The following LAMA2 variants were observed in gnomAD, a reference collection of about 807,000 sequenced individuals.
LAMA2 encodes laminin subunit alpha-2.
In LAMA2, 269 loss-of-function variants were observed where a neutral mutation model predicts 364.8. The ratio of observed to expected loss-of-function variants is 0.74; its 90% confidence interval spans 0.67 to 0.82. LAMA2 has a LOEUF of 0.82. Ranked by LOEUF, LAMA2 falls within the 40% of genes least tolerant of loss-of-function variation. The probability of loss-of-function intolerance (pLI) is 0.00; values close to 1 mark genes in which losing one functional copy is unlikely to be tolerated. For synonymous variants in LAMA2, 1,379 were observed against 1,370.6 expected (o/e 1.01, Z -0.14); for missense variants, 3,807 against 3,873.2 (o/e 0.98, Z 0.45).
intron 1 of LAMA2, among the ~76,000 whole-genome samples, chr6:128,985,301 C>A (rs945456856): frequency 3.3e-5 from 5 of 152,238 alleles, no homozygotes; most frequent in African/African-American, 1.2e-4. Flanking sequence ...CACTTCAAAC[C>A]ACCATGCAGT....
At chr6:128,899,073 A>T (rs1582627419) in intron 1 of LAMA2, among the ~76,000 whole-genome samples, 1 of 152,318 alleles carries the variant, frequency 6.6e-6, no homozygotes, top group East Asian at 1.9e-4. Context: ...TTTATCTTGA[A>T]TACCCTTGTT....
chr6:129,510,685 A>C (rs1295731131), intron 62 of LAMA2, among the ~76,000 whole-genome samples: 1 of 152,096 alleles, frequency 6.6e-6, no homozygotes, highest in Non-Finnish European at 1.5e-5. Flanking sequence ...CTTAGAAAAA[A>C]AGATTAATTT....
At position 129,362,411 on chromosome 6, in the gene LAMA2, T is replaced by TCTTCCCC. The variant is rs1275998577; in HGVS notation, c.4718-3807_4718-3801dup. Among the ~76,000 whole-genome samples, 10 of 152,216 alleles carry TCTTCCCC rather than the reference T, an allele frequency of 6.6e-5. No homozygotes were observed. The East Asian group carries it at 1.9e-3, about 30-fold the overall frequency. On this transcript the variant is annotated intron_variant, in intron 32 of 64. Coordinates refer to ENST00000421865, the MANE Select transcript of LAMA2 (RefSeq NM_000426.4). ...TTCCGGCCAACCCCAACCTCTTCCC[T>TCTTCCCC]CTTCCCCTCTTCCCCTCTCTCTTCT... is the stretch of plus-strand genomic sequence containing the variant.
At chr6:129,288,358 G>T (rs1789431682) in intron 19 of LAMA2, among the ~76,000 whole-genome samples, 1 of 151,934 alleles carries the variant, frequency 6.6e-6, no homozygotes, top group African/African-American at 2.4e-5. Context: ...CAGGAAAGAA[G>T]AATTTGCATA....
intron 1 of LAMA2, among the ~76,000 whole-genome samples, chr6:128,900,768 G>C (rs563749236): frequency 6.6e-6 from 1 of 152,128 alleles, no homozygotes; most frequent in Non-Finnish European, 1.5e-5. Flanking sequence ...GGATAAGATT[G>C]CCTCTTTACT....
intron 1 of LAMA2, among the ~76,000 whole-genome samples, chr6:128,897,633 A>C (rs1381406869): frequency 6.6e-6 from 1 of 152,250 alleles, no homozygotes; most frequent in East Asian, 1.9e-4. Flanking sequence ...TTGGAACTGA[A>C]GTGCTACAAA....
intron 1 of LAMA2, among the ~76,000 whole-genome samples, chr6:128,967,253 A>G (rs1781901638): frequency 6.6e-6 from 1 of 152,236 alleles, no homozygotes; most frequent in South Asian, 2.1e-4. Flanking sequence ...TCATTCCCAG[A>G]GACATACAAA....
chr6:129,149,700 C>G (rs1465385800), intron 7 of LAMA2, among the ~76,000 whole-genome samples: 1 of 152,112 alleles, frequency 6.6e-6, no homozygotes, highest in Non-Finnish European at 1.5e-5. Context: ...CCTTCCATAT[C>G]CATGGTTTCT....
chr6:129,205,398 AAAAAAG>A (rs1161383244), intron 12 of LAMA2, among the ~76,000 whole-genome samples: 4 of 150,872 alleles, frequency 2.7e-5, no homozygotes, highest in African/African-American at 7.4e-5. Flanking sequence ...CATCTCAAAA[AAAAAAG>A]AAAAAAGAAA....
Position 129,175,499 on chromosome 6 carries a change from T to G in LAMA2, c.1307-2207T>G, listed in dbSNP as rs147777593. Among the ~76,000 whole-genome samples, 11 of 152,364 alleles carry G rather than the reference T, an allele frequency of 7.2e-5. No homozygotes were observed. The East Asian group carries it at 2.1e-3, about 29-fold the overall frequency. ...TGCATTTGGGTATCAAGTTAGAATT[T>G]GCTTCATAAATTGAATTACATAGCT... On this transcript the variant is annotated intron_variant, in intron 9 of 64. Transcript: ENST00000421865.
intron 1 of LAMA2, among the ~76,000 whole-genome samples, chr6:128,906,132 T>C (rs1351997601): frequency 4.3e-4 from 62 of 144,892 alleles, no homozygotes; most frequent in African/African-American, 1.5e-3. Flanking sequence ...TGATTTATAG[T>C]CCTTTGGGTA....
chr6:129,250,330 T>A, intron 13 of LAMA2, 117 bp downstream of exon 13: 4 of 710,596 alleles, frequency 5.6e-6, no homozygotes, highest in Non-Finnish European at 1.0e-5. Flanking sequence ...TAAAAAAAAA[T>A]ATACCTTAGG....
chr6:129,291,146 C>G (rs1326847006), intron 19 of LAMA2, among the ~76,000 whole-genome samples: 1 of 152,068 alleles, frequency 6.6e-6, no homozygotes, highest in Admixed American at 6.6e-5. Context: ...GTTCTAAAGT[C>G]AGTATGCATT....
At chr6:129,154,204 A>G (rs1418362253) in intron 7 of LAMA2, among the ~76,000 whole-genome samples, 2 of 152,118 alleles carry the variant, frequency 1.3e-5, no homozygotes, top group Non-Finnish European at 2.9e-5. Context: ...ATGGGTCAAG[A>G]GTTCAAGACC....
At chr6:129,262,067 T>C (rs1021091583) in intron 15 of LAMA2, among the ~76,000 whole-genome samples, 5 of 152,146 alleles carry the variant, frequency 3.3e-5, no homozygotes. Flanking sequence ...CATACTTTGT[T>C]CTCATCCTTT....
At chr6:128,915,756 C>T (rs1222244399) in intron 1 of LAMA2, among the ~76,000 whole-genome samples, 1 of 152,052 alleles carries the variant, frequency 6.6e-6, no homozygotes, top group East Asian at 1.9e-4. Flanking sequence ...AGTGGATAGT[C>T]TGCCAGTTAT....
intron 8 of LAMA2, chr6:129,157,983 T>A: frequency 6.2e-7 from 1 of 1,613,906 alleles, no homozygotes; most frequent in Admixed American, 1.7e-5. Context: ...AAGGCCCAGG[T>A]CAGCAATGCA....
intron 27 of LAMA2, among the ~76,000 whole-genome samples, chr6:129,319,676 G>A (rs1416597007): frequency 6.6e-6 from 1 of 152,186 alleles, no homozygotes; most frequent in African/African-American, 2.4e-5. Context: ...CATGCAGTCA[G>A]AAATCCACAT....
At chr6:129,234,377 A>G (rs1409385786) in intron 12 of LAMA2, among the ~76,000 whole-genome samples, 7 of 152,220 alleles carry the variant, frequency 4.6e-5, no homozygotes, top group African/African-American at 1.7e-4. Flanking sequence ...TTGTTGTTAT[A>G]TAGAAGCCCC....
Sources: allele counts gnomAD v4.1 joint callset (sites outside exome capture counted in the v4.1 genomes callset), GRCh38; gene constraint gnomAD v4.1.1; transcripts MANE v1.5; gene names NCBI Gene and HGNC (gene_info 2026-07-23, HGNC 2026-07-21).